The following MAP7 variants were observed in gnomAD, a reference collection of about 807,000 sequenced individuals.
MAP7 encodes microtubule associated protein 7, also known as ensconsin.
A neutral mutation model predicts 94.8 loss-of-function variants in MAP7; 52 were observed. That is an observed-to-expected ratio of 0.55 (90% CI 0.44 to 0.69). The LOEUF (loss-of-function observed/expected upper bound fraction) is 0.69. MAP7 is among the 30% of genes least tolerant of loss of function. The pLI is 0.00. For missense variants in MAP7, 940 were observed against 964.6 expected, an observed-to-expected ratio of 0.97 and a Z score of 0.34; for synonymous variants, 350 against 357.0, an observed-to-expected ratio of 0.98 and a Z score of 0.22.
At chr6:136,524,404 A>G (rs947331649) in intron 1 of MAP7, among the ~76,000 whole-genome samples, 4 of 152,210 alleles carry the variant, frequency 2.6e-5, no homozygotes, top group Non-Finnish European at 5.9e-5. Flanking sequence ...AAAGTTACCA[A>G]CTTTTCAGAG....
At chr6:136,435,864 T>C (rs1238987995) in intron 1 of MAP7, among the ~76,000 whole-genome samples, 2 of 152,188 alleles carry the variant, frequency 1.3e-5, no homozygotes, top group African/African-American at 2.4e-5. Context: ...GAATAGATGT[T>C]TAATACAAAT....
intron 1 of MAP7, among the ~76,000 whole-genome samples, chr6:136,443,387 C>G (rs1346582515): frequency 6.6e-6 from 1 of 150,966 alleles, no homozygotes; most frequent in Admixed American, 6.6e-5. Context: ...GGTTATAAAG[C>G]AGTTTCCAGA....
At position 136,383,744 on chromosome 6, in the gene MAP7, C is replaced by A; in HGVS notation, c.564G>T (p.Ser188=). The change falls in exon 6 of 18, where the codon TCG becomes TCT. Residue 188 remains serine, a synonymous_variant. Coordinates refer to ENST00000354570, the MANE Select transcript of MAP7 (RefSeq NM_003980.6). ...DRRSVSTMNL[S]KYVDPVISKR... Reference sequence around the variant, plus strand: ...TGCTAATGACGGGATCAACATATTTCGAAAGATTCATGGTGGAAACTGACC... The same window carrying A: ...TGCTAATGACGGGATCAACATATTTAGAAAGATTCATGGTGGAAACTGACC... 1 of 1,610,756 alleles carries A rather than the reference C, an allele frequency of 6.2e-7. No individual in the cohort carries two copies. Among genetic ancestry groups the A allele is most frequent in the Non-Finnish European group, 8.5e-7 (1 of 1,178,328 alleles).
In MAP7 at chr6:136,349,772, A is replaced by G. The variant is rs561469740; in HGVS notation, c.2016-3693T>C. Among the ~76,000 whole-genome samples, 4 of 152,242 alleles carry G rather than the reference A, an allele frequency of 2.6e-5. No individual in the cohort carries two copies. In the East Asian group the frequency reaches 7.7e-4, roughly 29 times the overall value. ...TGTCAGTGGGGAACCTGTCAGGGGG[A>G]AAAGAGATGGGCAAGAAAAATGGCT... On this transcript the variant is annotated intron_variant, in intron 16 of 17. Coordinates refer to ENST00000354570, the MANE Select transcript of MAP7 (RefSeq NM_003980.6).
At chr6:136,487,790 G>A (rs1161472665) in intron 1 of MAP7, among the ~76,000 whole-genome samples, 1 of 152,128 alleles carries the variant, frequency 6.6e-6, no homozygotes, top group Non-Finnish European at 1.5e-5. Context: ...GTTAACAACT[G>A]AGAGATGTCT....
At chr6:136,389,550 G>A (rs1032594265) in intron 3 of MAP7, 33 bp from the exon 4 acceptor site, 3 of 1,528,350 alleles carry the variant, frequency 2.0e-6, no homozygotes, top group African/African-American at 2.7e-5. Flanking sequence ...AAAAAAAGAG[G>A]GAAATCAAAT....
intron 1 of MAP7, among the ~76,000 whole-genome samples, chr6:136,507,000 A>G (rs899486483): frequency 5.9e-5 from 9 of 152,124 alleles, no homozygotes; most frequent in Admixed American, 3.9e-4. Context: ...CCTTTTGTCC[A>G]TAAACTTGTT....
intron 1 of MAP7, among the ~76,000 whole-genome samples, chr6:136,472,840 A>T (rs1478607790): frequency 5.9e-5 from 9 of 152,092 alleles, no homozygotes; most frequent in South Asian, 2.1e-4. Context: ...CCCTAAAAAA[A>T]AAATAAATAA....
intron 3 of MAP7, among the ~76,000 whole-genome samples, chr6:136,394,275 G>A (rs767379574): frequency 4.6e-5 from 7 of 152,040 alleles, no homozygotes; most frequent in East Asian, 1.9e-4. Flanking sequence ...GAGCCACCGC[G>A]CCCGGCCAGG....
intron 2 of MAP7, chr6:136,420,207 A>G (rs1218415728): frequency 9.7e-7 from 1 of 1,035,122 alleles, no homozygotes; most frequent in Middle Eastern, 3.0e-4. Flanking sequence ...TCTTGTGTTC[A>G]GGCATTTCAG....
chr6:136,462,630 T>G (rs1486637674), intron 1 of MAP7, among the ~76,000 whole-genome samples: 3 of 152,086 alleles, frequency 2.0e-5, no homozygotes, highest in Admixed American at 6.6e-5. Context: ...CTTTGAGGTC[T>G]CAGGAGGTTT....
rs145273747 is a variant in MAP7 at position 136,442,297 on chromosome 6, G to A, written c.68-20498C>T. Among the ~76,000 whole-genome samples the A allele has an allele frequency of 4.3e-3, 644 of 150,674 alleles. 7 individuals carry two copies. The highest frequency in any genetic ancestry group is 0.015 in the African/African-American group (616 of 40,940). ...GTGCATGCCTGTAACCCCAGCTACCGGGGAGGCTGAGACAGGAGAACTGCT... is the reference window on the plus strand; with the variant it reads ...GTGCATGCCTGTAACCCCAGCTACCAGGGAGGCTGAGACAGGAGAACTGCT... On this transcript the variant is annotated intron_variant, in intron 1 of 17. Transcript: ENST00000354570.
At chr6:136,504,143 A>T (rs1820652031) in intron 1 of MAP7, among the ~76,000 whole-genome samples, 1 of 152,156 alleles carries the variant, frequency 6.6e-6, no homozygotes, top group Admixed American at 6.5e-5. Flanking sequence ...ATGTCAATTT[A>T]AGCACACAAA....
At chr6:136,359,228 C>CTG (rs765816714) in intron 15 of MAP7, among the ~76,000 whole-genome samples, 3 of 152,038 alleles carry the variant, frequency 2.0e-5, no homozygotes, top group Non-Finnish European at 4.4e-5. Flanking sequence ...TTCAAGATCA[C>CTG]TGTACATTAT....
intron 1 of MAP7, among the ~76,000 whole-genome samples, chr6:136,519,636 A>G (rs765491291): frequency 6.6e-6 from 1 of 152,234 alleles, no homozygotes; most frequent in Non-Finnish European, 1.5e-5. Flanking sequence ...CTACCTTTAC[A>G]GTGGAAAAGC....
chr6:136,474,207 T>C (rs1200767032), intron 1 of MAP7, among the ~76,000 whole-genome samples: 1 of 152,212 alleles, frequency 6.6e-6, no homozygotes, highest in African/African-American at 2.4e-5. Flanking sequence ...CAGGGAATTG[T>C]AGTTCATATT....
rs201208766 is a variant in MAP7 at position 136,538,624 on chromosome 6, C to CA, written c.67+11717dup. On this transcript the variant is annotated intron_variant, in intron 1 of 17. Transcript: ENST00000354570. ...GACACCCTGTCTCTACAAAAAGAGA[C>CA]AAAAAAAAAAATTAGCTGGTGCTAG... 1.4e-3 allele frequency among the ~76,000 whole-genome samples: 205 copies of CA among 142,176 alleles called. 2 individuals carry two copies. Among genetic ancestry groups the CA allele is most frequent in the South Asian group, 0.012 (54 of 4,462 alleles). 93.3% of individuals were successfully genotyped at this position (142,176 alleles called of 152,430 possible).
chr6:136,447,463 C>T (rs1360990828), intron 1 of MAP7, among the ~76,000 whole-genome samples: 1 of 141,810 alleles, frequency 7.1e-6, no homozygotes, highest in Non-Finnish European at 1.5e-5. Context: ...CTTTCTCAAA[C>T]ATTCCTAATT....
intron 1 of MAP7, among the ~76,000 whole-genome samples, chr6:136,523,981 C>T (rs1337343747): frequency 2.6e-5 from 4 of 152,146 alleles, no homozygotes; most frequent in Non-Finnish European, 5.9e-5. Context: ...TGACTCACGT[C>T]TGTAATCCCA....
Sources: allele counts gnomAD v4.1 joint callset (sites outside exome capture counted in the v4.1 genomes callset), GRCh38; gene constraint gnomAD v4.1.1; transcripts MANE v1.5; gene names NCBI Gene and HGNC (gene_info 2026-07-23, HGNC 2026-07-21).